The following CD300LF variants were observed in gnomAD, a reference collection of about 807,000 sequenced individuals.
CD300LF encodes the protein CD300 molecule like family member f.
A neutral mutation model predicts 32.2 loss-of-function variants in CD300LF; 27 were observed. The observed-to-expected ratio is 0.84, with a 90% CI of 0.62 to 1.15. The LOEUF (loss-of-function observed/expected upper bound fraction) is 1.15, where lower values mean the gene tolerates loss of function less well. Ranked by LOEUF, CD300LF falls within the 50% of genes most tolerant of loss-of-function variation. The pLI, the probability that CD300LF is intolerant of heterozygous loss-of-function variation, is 0.00. For synonymous variants in CD300LF, 139 were observed against 143.2 expected (o/e 0.97, Z 0.21); for missense variants, 348 against 356.8 (o/e 0.98, Z 0.20).
intron 2 of CD300LF, among the ~76,000 whole-genome samples, chr17:74,703,694 T>A (rs10512597): frequency 1.1e-4 from 17 of 152,130 alleles, no homozygotes; most frequent in Admixed American, 5.2e-4. Context: ...CAAACTAGAA[T>A]ATGCCCCAGA....
chr17:74,705,041 A>G (rs1398614786), intron 1 of CD300LF, among the ~76,000 whole-genome samples: 4 of 152,228 alleles, frequency 2.6e-5, no homozygotes, highest in Non-Finnish European at 5.9e-5. Context: ...AAAAATAAAA[A>G]TATTGGCATA....
chr17:74,712,764 C>G (rs2034063930), intron 1 of CD300LF, 60 bp downstream of exon 1: 1 of 1,596,118 alleles, frequency 6.3e-7, no homozygotes, highest in Admixed American at 1.7e-5. Context: ...TCTTCCCTCT[C>G]TCAGCCACCT....
intron 4 of CD300LF, among the ~76,000 whole-genome samples, 178 bp downstream of exon 4, chr17:74,698,191 G>C (rs575931062): frequency 6.6e-6 from 1 of 152,330 alleles, no homozygotes; most frequent in East Asian, 1.9e-4. Flanking sequence ...ACCTCCTGGG[G>C]CTCCCCTGCA....
intron 1 of CD300LF, among the ~76,000 whole-genome samples, chr17:74,709,070 A>G (rs1379865083): frequency 6.6e-6 from 1 of 150,792 alleles, no homozygotes; most frequent in Non-Finnish European, 1.5e-5. Flanking sequence ...TAAAAATTCA[A>G]AAAATTAGCT....
chr17:74,705,177 A>G (rs1024300459), intron 1 of CD300LF: 14 of 695,424 alleles, frequency 2.0e-5, no homozygotes, highest in Non-Finnish European at 3.4e-5. Context: ...AGGAAATACC[A>G]GGAGACCCCT....
chr17:74,702,949 C>T, intron 3 of CD300LF, 86 bp downstream of exon 3: 1 of 1,159,076 alleles, frequency 8.6e-7, no homozygotes, highest in Non-Finnish European at 1.3e-6. Flanking sequence ...CCAGACAAAG[C>T]TCAGGCTGGA....
chr17:74,699,853 G>A (rs971966870), intron 3 of CD300LF, among the ~76,000 whole-genome samples: 2 of 151,920 alleles, frequency 1.3e-5, no homozygotes, highest in African/African-American at 4.8e-5. Context: ...TCAAAATTCT[G>A]CAACAGGCCA....
At chr17:74,706,282 A>AATATAT (rs35583593) in intron 1 of CD300LF, among the ~76,000 whole-genome samples, 5 of 145,124 alleles carry the variant, frequency 3.4e-5, no homozygotes, top group African/African-American at 1.0e-4. Context: ...GGAAAAAAAA[A>AATATAT]ATATATATAT....
chr17:74,704,437 C>T lies in CD300LF; in HGVS notation c.382+41G>A, dbSNP rs557758209. 6 of 1,382,116 alleles carry T rather than the reference C, an allele frequency of 4.3e-6. No individual in the cohort carries two copies. The Admixed American group carries it at 8.8e-5, about 20-fold the overall frequency. 85.6% of individuals were successfully genotyped at this position (1,382,116 alleles called of 1,614,324 possible). Reference sequence around the variant, plus strand: ...TAGGACCTCAGAGACCAGGACAGAGCAGGCCCTGAGAGACACACACATATA... The same window carrying T: ...TAGGACCTCAGAGACCAGGACAGAGTAGGCCCTGAGAGACACACACATATA... On this transcript the variant is annotated intron_variant, in intron 2 of 6. Transcript: ENST00000326165.
chr17:74,697,908 C>G (rs1344399303), intron 4 of CD300LF, among the ~76,000 whole-genome samples: 1 of 152,192 alleles, frequency 6.6e-6, no homozygotes, highest in African/African-American at 2.4e-5. Flanking sequence ...GGGATCCATG[C>G]AGTGTGTGTG....
chr17:74,697,423 T>G (rs1403291083), intron 4 of CD300LF, among the ~76,000 whole-genome samples: 1 of 152,210 alleles, frequency 6.6e-6, no homozygotes, highest in Non-Finnish European at 1.5e-5. Context: ...CACTTAGACC[T>G]TAGGCCGTGG....
chr17:74,701,723 G>A (rs905753825), intron 3 of CD300LF, among the ~76,000 whole-genome samples: 4 of 151,976 alleles, frequency 2.6e-5, no homozygotes, highest in South Asian at 2.1e-4. Context: ...GGTGGCTTAC[G>A]CCTGTAGTTG....
At chr17:74,712,251 G>A (rs185715257) in intron 1 of CD300LF, among the ~76,000 whole-genome samples, 2 of 152,192 alleles carry the variant, frequency 1.3e-5, no homozygotes, top group East Asian at 1.9e-4. Flanking sequence ...GGTGTCTCCT[G>A]CCCTCTGGCT....
intron 4 of CD300LF, among the ~76,000 whole-genome samples, chr17:74,696,654 GC>G (rs574707760): frequency 2.8e-4 from 43 of 152,262 alleles, no homozygotes; most frequent in Non-Finnish European, 5.0e-4. Context: ...CCCCTCCCGG[GC>G]CCCCGGGGGG....
At chr17:74,702,699 G>A (rs551144296) in intron 3 of CD300LF, among the ~76,000 whole-genome samples, 7 of 152,156 alleles carry the variant, frequency 4.6e-5, no homozygotes, top group African/African-American at 7.2e-5. Flanking sequence ...CCAACTCATC[G>A]GTCTCCCACA....
rs769470151 is a variant in CD300LF, at chr17:74,704,577, T to C, written c.283A>G (p.Met95Val). The change falls in exon 2 of 7, where the codon ATG (methionine) becomes GTG (valine). Residue 95 changes from methionine to valine, a missense_variant. By Grantham distance (21) the Met-to-Val change is conservative (BLOSUM62 1). Coordinates refer to ENST00000326165, the MANE Select transcript of CD300LF (RefSeq NM_139018.5). ...GCATCAGTTTTCATGAGATCCTCCATGGTCACAGTGAACGTGCGGTTTTTC... is the reference window on the plus strand; with the variant it reads ...GCATCAGTTTTCATGAGATCCTCCACGGTCACAGTGAACGTGCGGTTTTTC... ...NQKNRTFTVT[M>V]EDLMKTDADT... 9.3e-6 allele frequency: 15 copies of C among 1,614,220 alleles called. No homozygotes were observed. The South Asian group carries it at 1.5e-4, about 17-fold the overall frequency.
chr17:74,712,577 C>A (rs137974055), intron 1 of CD300LF, among the ~76,000 whole-genome samples: 304 of 152,364 alleles, frequency 2.0e-3, no homozygotes, highest in African/African-American at 6.1e-3. Context: ...GGCCTACAGT[C>A]TGTCCATTTC....
chr17:74,695,226 G>A lies in CD300LF; in HGVS notation c.743C>T (p.Ser248Phe), dbSNP rs1370872675. Residue 248 changes from serine to phenylalanine, a missense_variant, in exon 7 of 7, where the codon TCC becomes TTC. Coordinates refer to ENST00000326165, the MANE Select transcript of CD300LF (RefSeq NM_139018.5). ...TMASLPKEDI[S>F]YASLTLGAED... Reference sequence around the variant, plus strand: ...AGCACCCAAGGTCAGAGATGCATAGGAAATGTCCTCCTTCGGCAAGGAAGC... The same window carrying A: ...AGCACCCAAGGTCAGAGATGCATAGAAAATGTCCTCCTTCGGCAAGGAAGC... The A allele has an allele frequency of 1.9e-6, 3 of 1,614,124 alleles. No homozygotes were observed. Among genetic ancestry groups the A allele is most frequent in the East Asian group, 2.2e-5 (1 of 44,882 alleles).
chr17:74,695,818 CAGGTCT>C lies in CD300LF; in HGVS notation c.618_623del (p.Asp207_Leu208del). 6 of 1,614,142 alleles carry C rather than the reference CAGGTCT, an allele frequency of 3.7e-6. No homozygotes were observed. The highest frequency in any genetic ancestry group is 4.2e-6 in the Non-Finnish European group (5 of 1,180,006). Reference sequence around the variant, plus strand: ...GGGAGGTTCCGGCCAGCTGCAGGGTCAGGTCTGCATAGCAGAGGTCGCCCTCCAGGG... The same window carrying C: ...GGGAGGTTCCGGCCAGCTGCAGGGTCGCATAGCAGAGGTCGCCCTCCAGGG... On this transcript the variant is annotated inframe_deletion, in exon 6 of 7. Transcript: ENST00000326165.
Sources: allele counts gnomAD v4.1 joint callset (sites outside exome capture counted in the v4.1 genomes callset), GRCh38; gene constraint gnomAD v4.1.1; transcripts MANE v1.5; gene names NCBI Gene and HGNC (gene_info 2026-07-23, HGNC 2026-07-21).